Variants in CCNB3 observed in about 807,000 individuals in gnomAD.
CCNB3 encodes cyclin B3.
In CCNB3, 12 loss-of-function variants were observed where a neutral mutation model predicts 68.0. The observed-to-expected ratio is 0.18, with a 90% confidence interval of 0.11 to 0.29. The LOEUF (loss-of-function observed/expected upper bound fraction) is 0.29, where lower values mean the gene tolerates loss of function less well. CCNB3 is among the 10% of genes least tolerant of loss of function. CCNB3 has a pLI of 1.00. For missense variants in CCNB3, 904 were observed against 993.1 expected (o/e 0.91, Z 1.21); for synonymous variants, 354 against 388.9 (o/e 0.91, Z 1.06).
chrX:50,279,167 A>T (rs1399045197), intron 1 of CCNB3, among the ~76,000 whole-genome samples: 195 of 389 alleles, frequency 0.5, 1 homozygote, highest in African/African-American at 0.53. Context: ...TATATTCTAT[A>T]TATATATGAA....
rs1557221230 is a variant in CCNB3 at position 50,351,717 on chromosome X, G to C, written c.*14G>C. The C allele has an allele frequency of 8.7e-7, 1 of 1,144,392 alleles. No individual in the cohort carries two copies. Among genetic ancestry groups the C allele is most frequent in the South Asian group, 1.9e-5 (1 of 53,798 alleles). The allele number at this position is 1,144,392 out of a possible 1,213,427, so 94.3% of individuals were successfully genotyped here. Reference sequence around the variant, plus strand: ...CTGGTACTCTAGCAGCAGCCACAGGGCTAAGCATGCATGTTAACAGGGTAT... The same window carrying C: ...CTGGTACTCTAGCAGCAGCCACAGGCCTAAGCATGCATGTTAACAGGGTAT... On this transcript the variant is annotated 3_prime_UTR_variant, in exon 13 of 13. Transcript: ENST00000376042.
chrX:50,346,896 G>C, intron 10 of CCNB3, 89 bp downstream of exon 10: 1 of 954,414 alleles, frequency 1.0e-6, no homozygotes, highest in Non-Finnish European at 1.4e-6. Context: ...GTAGGAAAGG[G>C]GAAAGGGACA....
chrX:50,227,858 ATG>A, intron 1 of CCNB3, among the ~76,000 whole-genome samples: 1 of 85,414 alleles, frequency 1.2e-5, no homozygotes, highest in Non-Finnish European at 2.2e-5. Context: ...ATAAATATAT[ATG>A]GAGAATATAT....
chrX:50,337,282 G>C (rs1922901620), intron 8 of CCNB3, among the ~76,000 whole-genome samples: 2 of 110,707 alleles, frequency 1.8e-5, no homozygotes, highest in Admixed American at 1.9e-4. Flanking sequence ...ATAAGGAGGA[G>C]GCACTGCTGG....
chrX:50,279,399 C>CATATATAA (rs1491475193), intron 1 of CCNB3, among the ~76,000 whole-genome samples: 12 of 66,758 alleles, frequency 1.8e-4, no homozygotes, highest in African/African-American at 6.2e-4. Flanking sequence ...TTTGTATATT[C>CATATATAA]ATATAGAAAT....
At chrX:50,320,766 T>C (rs1312591172) in intron 8 of CCNB3, among the ~76,000 whole-genome samples, 1 of 110,664 alleles carries the variant, frequency 9.0e-6, no homozygotes, top group Non-Finnish European at 1.9e-5. Flanking sequence ...TATTTCTAAG[T>C]TTTGTCATTT....
intron 5 of CCNB3, among the ~76,000 whole-genome samples, chrX:50,299,084 C>T (rs1227066921): frequency 2.7e-5 from 3 of 111,545 alleles, no homozygotes; most frequent in African/African-American, 9.8e-5. Flanking sequence ...AAAAAACCAG[C>T]TCCTGGATTC....
At chrX:50,343,642 G>A (rs1206480118) in intron 9 of CCNB3, among the ~76,000 whole-genome samples, 2 of 111,743 alleles carry the variant, frequency 1.8e-5, no homozygotes, top group African/African-American at 6.5e-5. Context: ...GGAGGTTGAG[G>A]CTGTAGTGAG....
At chrX:50,300,553 G>C (rs1408846398) in intron 5 of CCNB3, among the ~76,000 whole-genome samples, 1 of 111,297 alleles carries the variant, frequency 9.0e-6, no homozygotes, top group East Asian at 2.8e-4. Flanking sequence ...CTTTCTCTCT[G>C]GCTGCCCTTA....
chrX:50,341,796 A>T (rs1923160214), intron 8 of CCNB3: 1 of 133,943 alleles, frequency 7.5e-6, no homozygotes, highest in South Asian at 2.1e-4. Flanking sequence ...TGGGAAGAGA[A>T]AGTAGTACAT....
At chrX:50,335,843 G>A (rs1922823741) in intron 8 of CCNB3, among the ~76,000 whole-genome samples, 1 of 111,750 alleles carries the variant, frequency 8.9e-6, no homozygotes, top group African/African-American at 3.3e-5. Context: ...AGCTTGCTAA[G>A]CAAGTCTCTT....
At chrX:50,204,362 A>G (rs1480812135), upstream of CCNB3, 3 of 110,373 alleles carry the variant, frequency 2.7e-5, no homozygotes, top group Non-Finnish European at 5.7e-5. Context: ...GGTACTGTGT[A>G]TTACATGCAT....
intron 8 of CCNB3, among the ~76,000 whole-genome samples, chrX:50,328,531 ATGAC>A (rs1557217625): frequency 4.5e-5 from 5 of 111,772 alleles, no homozygotes; most frequent in Admixed American, 3.8e-4. Flanking sequence ...ATCTGTCCTC[ATGAC>A]CCAAACACCT....
chrX:50,209,130 A>G (rs1229058181), intron 1 of CCNB3, among the ~76,000 whole-genome samples: 2 of 111,285 alleles, frequency 1.8e-5, no homozygotes, highest in Non-Finnish European at 3.8e-5. Flanking sequence ...TCATTGATAT[A>G]TTAATACAAA....
intron 1 of CCNB3, among the ~76,000 whole-genome samples, chrX:50,280,852 C>T (rs1367001348): frequency 9.1e-6 from 1 of 110,459 alleles, no homozygotes; most frequent in Non-Finnish European, 1.9e-5. Context: ...TTCTGCCTCC[C>T]GGGCTCAAGT....
At chrX:50,211,254 C>T (rs1347990049) in intron 1 of CCNB3, among the ~76,000 whole-genome samples, 5 of 111,471 alleles carry the variant, frequency 4.5e-5, no homozygotes. Flanking sequence ...CAGAGCAAGA[C>T]TCTGTCTCAA....
chrX:50,228,029 T>C (rs1935945123), intron 1 of CCNB3, among the ~76,000 whole-genome samples: 1 of 87,030 alleles, frequency 1.1e-5, no homozygotes, highest in East Asian at 3.2e-4. Context: ...AGAGAGAATA[T>C]ATATAGAGAG....
In CCNB3 at chrX:50,309,931, T is replaced by C; in HGVS notation, c.1762T>C (p.Leu588=). Residue 588 remains leucine (L), a synonymous_variant, in exon 6 of 13, where the codon TTA becomes CTA. Coordinates refer to ENST00000376042, the MANE Select transcript of CCNB3 (RefSeq NM_033031.3). The part of the protein sequence containing the change: ...ETVLTKTSLS[L]QEKKITQGKM... ...AGTACTTACCAAGACATCGTTGTCT[T>C]TACAGGAAAAGAAAATTACTCAGGG... 2 of 1,210,223 alleles carry C rather than the reference T, an allele frequency of 1.7e-6. No homozygotes were observed. The highest frequency in any genetic ancestry group is 3.0e-5 in the East Asian group (1 of 33,802).
At chrX:50,346,390 G>A (rs1923405157) in intron 9 of CCNB3, among the ~76,000 whole-genome samples, 1 of 111,770 alleles carries the variant, frequency 8.9e-6, no homozygotes, top group South Asian at 3.8e-4. Context: ...GTTGCTTCTG[G>A]CACTGTAAGA....
Sources: gnomAD v4.1 joint callset for allele counts (sites outside exome capture counted in the v4.1 genomes callset) on GRCh38, gnomAD v4.1.1 for gene constraint, MANE v1.5 for transcripts, NCBI Gene and HGNC (gene_info 2026-07-23, HGNC 2026-07-21) for gene names.